TMEM117: variants seen among roughly 807,000 people sequenced by gnomAD.
The protein encoded by TMEM117 is transmembrane protein 117.
TMEM117 carries 27 observed loss-of-function variants against 52.4 expected under a neutral mutation model. The ratio of observed to expected loss-of-function variants is 0.51; its 90% CI spans 0.38 to 0.71. TMEM117 has a LOEUF of 0.71. Among genes scored for constraint, TMEM117 ranks in the 30% least tolerant of loss-of-function variants. The pLI is 0.00. For missense variants in TMEM117, 556 were observed against 630.5 expected, an observed-to-expected ratio of 0.88 and a Z score of 1.26; for synonymous variants, 215 against 206.3, an observed-to-expected ratio of 1.04 and a Z score of -0.36.
intron 2 of TMEM117, among the ~76,000 whole-genome samples, chr12:43,942,548 C>T (rs1203371879): frequency 6.6e-6 from 1 of 151,976 alleles, no homozygotes; most frequent in African/African-American, 2.4e-5. Flanking sequence ...CCCTGACTTT[C>T]AGTTTTAACC....
intron 3 of TMEM117, among the ~76,000 whole-genome samples, chr12:44,114,820 G>C (rs771788252): frequency 2.2e-4 from 34 of 152,236 alleles, no homozygotes; most frequent in South Asian, 1.7e-3. Flanking sequence ...AAACATTACT[G>C]TTTCCTATAA....
intron 3 of TMEM117, among the ~76,000 whole-genome samples, chr12:44,081,022 TTTATG>T (rs1351488895): frequency 2.0e-4 from 31 of 152,332 alleles, no homozygotes; most frequent in African/African-American, 7.5e-4. Context: ...TAAATGGGAA[TTTATG>T]TTATAATTAC....
chr12:44,212,859 A>G (rs1397005875), intron 5 of TMEM117, among the ~76,000 whole-genome samples: 4 of 152,174 alleles, frequency 2.6e-5, no homozygotes, highest in African/African-American at 9.7e-5. Context: ...AGGAAAATAT[A>G]CACTCTATGT....
intron 5 of TMEM117, among the ~76,000 whole-genome samples, chr12:44,223,097 A>G (rs992693831): frequency 2.7e-5 from 4 of 149,264 alleles, no homozygotes; most frequent in Non-Finnish European, 5.9e-5. Context: ...GGTTTGTTAC[A>G]TAGGTAAATT....
At chr12:43,913,220 A>T (rs1944545580) in intron 2 of TMEM117, among the ~76,000 whole-genome samples, 1 of 152,270 alleles carries the variant, frequency 6.6e-6, no homozygotes, top group African/African-American at 2.4e-5. Context: ...GACTCCAGGT[A>T]GGAAGCCTGG....
intron 2 of TMEM117, among the ~76,000 whole-genome samples, chr12:43,941,876 C>T (rs1396545509): frequency 1.3e-5 from 2 of 152,204 alleles, no homozygotes; most frequent in East Asian, 3.9e-4. Context: ...GTATTATTTC[C>T]ACCTGTGTAC....
At chr12:44,372,386 T>G (rs1235530815) in intron 6 of TMEM117, among the ~76,000 whole-genome samples, 1 of 152,078 alleles carries the variant, frequency 6.6e-6, no homozygotes, top group African/African-American at 2.4e-5. Context: ...TTCTATACAA[T>G]CTGTATATAA....
intron 2 of TMEM117, among the ~76,000 whole-genome samples, chr12:43,915,369 T>C (rs1044144788): frequency 1.3e-5 from 2 of 152,210 alleles, no homozygotes. Context: ...CTTCCTGTCT[T>C]GAGTCTGGTT....
In TMEM117 at chr12:44,251,964, A is replaced by C. The variant is rs527319883; in HGVS notation, c.608+40577A>C. On this transcript the variant is annotated intron_variant, in intron 5 of 7. Coordinates refer to ENST00000266534, the MANE Select transcript of TMEM117 (RefSeq NM_032256.3). ...CCCTTACTGCAGATTCCTTACTTAC[A>C]GGCGAAAAAAGAAAAAAATTGCGTA... 2.0e-5 allele frequency among the ~76,000 whole-genome samples: 3 copies of C among 152,096 alleles called. No individual in the cohort carries two copies. The South Asian group carries it at 6.2e-4, about 32-fold the overall frequency.
At chr12:43,982,358 C>A (rs1257688539) in intron 3 of TMEM117, among the ~76,000 whole-genome samples, 1 of 152,036 alleles carries the variant, frequency 6.6e-6, no homozygotes, top group East Asian at 1.9e-4. Context: ...ACAGCAGGTT[C>A]TAATGTATCC....
the TMEM117 span, among the ~76,000 whole-genome samples, chr12:43,824,764 C>T: frequency 6.6e-6 from 1 of 152,132 alleles, no homozygotes; most frequent in African/African-American, 2.4e-5. Context: ...TCTGTCTCTA[C>T]TAAAAATATA....
chr12:44,296,455 C>T (rs562236425), intron 5 of TMEM117, among the ~76,000 whole-genome samples: 1 of 152,298 alleles, frequency 6.6e-6, no homozygotes, highest in South Asian at 2.1e-4. Flanking sequence ...TGACTGCAGC[C>T]GAGCAGGGCT....
Position 44,001,087 on chromosome 12 carries a change from G to A in TMEM117, c.410+56745G>A, listed in dbSNP as rs374304724. 2.6e-4 allele frequency among the ~76,000 whole-genome samples: 40 copies of A among 152,254 alleles called. 1 individual carries two copies. In the South Asian group the frequency reaches 7.7e-3, roughly 29 times the overall value. ...CTCCTCGAAGGCTTCTGGCAGTCCC[G>A]GAGACATCAGGAAAATTAGGAAGAC... On this transcript the variant is annotated intron_variant, in intron 3 of 7. Transcript: ENST00000266534.
chr12:44,000,842 A>G (rs1292791351), intron 3 of TMEM117, among the ~76,000 whole-genome samples: 1 of 152,158 alleles, frequency 6.6e-6, no homozygotes, highest in African/African-American at 2.4e-5. Flanking sequence ...CAGGTAGCAA[A>G]GTGGAGGAGA....
intron 5 of TMEM117, among the ~76,000 whole-genome samples, chr12:44,285,028 T>C (rs1950621554): frequency 6.6e-6 from 1 of 152,244 alleles, no homozygotes; most frequent in Admixed American, 6.5e-5. Flanking sequence ...ATTGCCAATG[T>C]GCAGGATCCA....
chr12:44,059,206 C>T (rs1947102053), intron 3 of TMEM117, among the ~76,000 whole-genome samples: 1 of 152,112 alleles, frequency 6.6e-6, no homozygotes, highest in Non-Finnish European at 1.5e-5. Flanking sequence ...GCAGCAGTAT[C>T]GGTCTGCAGC....
At chr12:43,806,268 C>T in the TMEM117 span, 14 of 1,519,120 alleles carry the variant, frequency 9.2e-6, no homozygotes, top group East Asian at 2.7e-5. Context: ...TAGCTCCCGG[C>T]TCCGGCGCTG....
intron 5 of TMEM117, among the ~76,000 whole-genome samples, chr12:44,236,552 A>G (rs939375593): frequency 6.6e-6 from 1 of 152,140 alleles, no homozygotes; most frequent in African/African-American, 2.4e-5. Flanking sequence ...GAATATAATA[A>G]GCGTGGTTGT....
intron 4 of TMEM117, among the ~76,000 whole-genome samples, chr12:44,168,433 A>G (rs1320569770): frequency 1.3e-5 from 2 of 152,194 alleles, no homozygotes; most frequent in Non-Finnish European, 2.9e-5. Flanking sequence ...ATGCATTTGT[A>G]CATTATTTTA....
Sources: gnomAD v4.1 joint callset for allele counts (sites outside exome capture counted in the v4.1 genomes callset) on GRCh38, gnomAD v4.1.1 for gene constraint, MANE v1.5 for transcripts, NCBI Gene and HGNC (gene_info 2026-07-23, HGNC 2026-07-21) for gene names.